Variants in CLDN14 observed in about 807,000 individuals in gnomAD.
The protein encoded by CLDN14 is claudin-14.
A neutral mutation model predicts 2.1 loss-of-function variants in CLDN14; 2 were observed. That is an observed-to-expected ratio of 0.96 (90% CI 0.39 to 3.01). The LOEUF (loss-of-function observed/expected upper bound fraction) is 3.01, where lower values mean the gene tolerates loss of function less well. CLDN14 is among the 30% of genes most tolerant of loss of function. The pLI is 0.09. For synonymous variants in CLDN14, 136 were observed against 154.4 expected (o/e 0.88, Z 0.88); for missense variants, 298 against 328.0 (o/e 0.91, Z 0.71).
upstream of CLDN14, among the ~76,000 whole-genome samples, chr21:36,482,403 T>TAGAC (rs1212772144): frequency 2.1e-4 from 29 of 137,116 alleles, no homozygotes; most frequent in African/African-American, 8.0e-4. Context: ...GATGGATGGA[T>TAGAC]GGATAGACGG....
chr21:36,499,900 G>A lies in CLDN14; in HGVS notation c.-82+10463C>T, dbSNP rs568719318. On this transcript the variant is annotated intron_variant, in intron 2 of 2. Transcript: ENST00000342108. This position sits in a 1 kb window ranked among gnomAD's most constrained non-coding sequence, Gnocchi z 4.7. ...GGGGGCTGGTGGAGAAAATCGGGGGGTCTCCGGAGCAACCCCGGGAGCAGT... is the reference window on the plus strand; with the variant it reads ...GGGGGCTGGTGGAGAAAATCGGGGGATCTCCGGAGCAACCCCGGGAGCAGT... 1.6e-4 allele frequency among the ~76,000 whole-genome samples: 25 copies of A among 152,224 alleles called. No individual in the cohort carries two copies. Among genetic ancestry groups the A allele is most frequent in the Admixed American group, 7.8e-4 (12 of 15,290 alleles).
Position 36,460,869 on chromosome 21 carries a change from C to G in CLDN14, c.*107G>C. The G allele has an allele frequency of 7.4e-7, 1 of 1,343,878 alleles. No homozygotes were observed. Among genetic ancestry groups the G allele is most frequent in the Non-Finnish European group, 1.0e-6 (1 of 967,820 alleles). 83.2% of individuals were successfully genotyped at this position (1,343,878 alleles called of 1,614,324 possible). A position where few individuals can be genotyped will look rare whatever the true frequency, so the allele number is the denominator to read the frequency against. The stretch of plus-strand genomic sequence containing the variant: ...CGCATTCACATTATTTCCTTGGATA[C>G]AAAAATTGCCCAGAAGTAAACTTTG... On this transcript the variant is annotated 3_prime_UTR_variant, in exon 2 of 2. Transcript: ENST00000399135. The surrounding 1 kb of genome is among the most constrained non-coding windows in gnomAD (Gnocchi z 4.0).
At chr21:36,523,759 A>G (rs367748694) in intron 1 of CLDN14, among the ~76,000 whole-genome samples, 3 of 78,128 alleles carry the variant, frequency 3.8e-5, no homozygotes, top group Admixed American at 1.2e-4. Flanking sequence ...AAAAAAAAAA[A>G]AAAGAAAGAA....
At chr21:36,514,619 GAA>G (rs778500695) in intron 1 of CLDN14, among the ~76,000 whole-genome samples, 5,027 of 18,236 alleles carry the variant, frequency 0.28, 138 homozygotes, top group Non-Finnish European at 0.4. Context: ...TATCGTGAGA[GAA>G]AGTGTGTGTG....
intron 2 of CLDN14, among the ~76,000 whole-genome samples, chr21:36,502,479 C>G (rs932329583): frequency 6.6e-6 from 1 of 152,200 alleles, no homozygotes; most frequent in African/African-American, 2.4e-5. Context: ...TTCCGAGGAA[C>G]TGATATCTTA....
At chr21:36,520,915 A>G (rs1388318392) in intron 1 of CLDN14, among the ~76,000 whole-genome samples, 2 of 152,022 alleles carry the variant, frequency 1.3e-5, no homozygotes, top group African/African-American at 2.4e-5. Flanking sequence ...GACTGGGCTC[A>G]CTGATCTGCA....
chr21:36,559,232 G>A (rs894814439), intron 1 of CLDN14, among the ~76,000 whole-genome samples: 8 of 151,064 alleles, frequency 5.3e-5, no homozygotes, highest in South Asian at 2.1e-4. Flanking sequence ...ACTAAGTTTC[G>A]CTCTTGTCGC....
At chr21:36,534,824 G>A (rs1346003265) in intron 1 of CLDN14, among the ~76,000 whole-genome samples, 2 of 152,010 alleles carry the variant, frequency 1.3e-5, no homozygotes, top group Non-Finnish European at 2.9e-5. Context: ...CTGTGTCCCC[G>A]CCCCTTATAT....
At chr21:36,479,127 GTGGCGCTGAGCTCCCCGAGCTGAGC>G (rs1460319877) in intron 1 of CLDN14, among the ~76,000 whole-genome samples, 1 of 152,168 alleles carries the variant, frequency 6.6e-6, no homozygotes, top group Non-Finnish European at 1.5e-5. Context: ...GAAGGGGGCA[GTGGCGCTGAGCTCCCCGAGCTGAGC>G]TGTGGCCTCA....
chr21:36,486,417 T>C (rs746991757), intron 2 of CLDN14: 2 of 1,269,472 alleles, frequency 1.6e-6, no homozygotes, highest in South Asian at 2.4e-5. Flanking sequence ...ATCCTGCCGC[T>C]GCTGCTGCTC....
At chr21:36,462,914 T>A (rs1397505872) in intron 1 of CLDN14, among the ~76,000 whole-genome samples, 22 of 144,556 alleles carry the variant, frequency 1.5e-4, no homozygotes, top group African/African-American at 4.5e-4. Context: ...TAAGACTCCG[T>A]CTCAAAAAAA....
In CLDN14 at chr21:36,486,587, GCCA is replaced by G. The variant is rs1162575022; in HGVS notation, c.-82+23773_-82+23775del. ...AGCCAAGCTGGGCCCAGGAGGCACT[GCCA>G]CCAGATGAGAACCGCTTCCATCTTT... is the stretch of plus-strand genomic sequence containing the variant. On this transcript the variant is annotated intron_variant, in intron 2 of 2. Coordinates refer to the CLDN14 transcript ENST00000342108. The G allele has an allele frequency of 1.9e-6, 3 of 1,552,152 alleles. No individual in the cohort carries two copies. The African/African-American group carries it at 4.1e-5, about 21-fold the overall frequency.
rs2086826161 is a variant in CLDN14, at chr21:36,479,901, G to A, written c.-488C>T. On this transcript the variant is annotated 5_prime_UTR_variant, in exon 1 of 2. Coordinates refer to ENST00000399135, the MANE Select transcript of CLDN14 (RefSeq NM_001146079.2). Reference sequence around the variant, plus strand: ...CCCTTCCCAGCCTGGCAGGGTTGCAGGGCGTCCATAGTCCAGCCTACGCCT... The same window carrying A: ...CCCTTCCCAGCCTGGCAGGGTTGCAAGGCGTCCATAGTCCAGCCTACGCCT... The A allele has an allele frequency of 6.6e-6, 1 of 152,338 alleles. No individual in the cohort carries two copies. Among genetic ancestry groups the A allele is most frequent in the African/African-American group, 2.4e-5 (1 of 41,450 alleles). The allele number at this position is 152,338 out of a possible 1,614,324, so 9.4% of individuals were successfully genotyped here.
chr21:36,475,733 T>G (rs1160433527), intron 1 of CLDN14, among the ~76,000 whole-genome samples: 1 of 151,910 alleles, frequency 6.6e-6, no homozygotes, highest in African/African-American at 2.4e-5. Flanking sequence ...CTTCATTGAT[T>G]TAACTTTTTT....
At chr21:36,531,764 TAATA>T (rs1209975655) in intron 1 of CLDN14, among the ~76,000 whole-genome samples, 1 of 151,542 alleles carries the variant, frequency 6.6e-6, no homozygotes, top group Non-Finnish European at 1.5e-5. Context: ...TTTTAAAATC[TAATA>T]AATCACCTAT....
intron 2 of CLDN14, among the ~76,000 whole-genome samples, chr21:36,494,083 G>A (rs772187758): frequency 1.9e-4 from 29 of 152,156 alleles, no homozygotes; most frequent in East Asian, 5.8e-4. Flanking sequence ...AACTGGATTC[G>A]CAAAGAGCCC....
chr21:36,536,194 C>T (rs775183334), intron 1 of CLDN14, among the ~76,000 whole-genome samples: 14 of 152,362 alleles, frequency 9.2e-5, no homozygotes, highest in Admixed American at 2.6e-4. Context: ...CAGCCTTGCA[C>T]CTGCTCTGTT....
intron 1 of CLDN14, among the ~76,000 whole-genome samples, chr21:36,467,849 T>G (rs2146425768): frequency 6.6e-6 from 1 of 152,262 alleles, no homozygotes; most frequent in Admixed American, 6.5e-5. Context: ...GAAAGAAATG[T>G]CAGCCCCAGA....
chr21:36,537,708 G>A (rs2087438089), intron 1 of CLDN14, among the ~76,000 whole-genome samples: 1 of 144,670 alleles, frequency 6.9e-6, no homozygotes, highest in Non-Finnish European at 1.5e-5. Flanking sequence ...GGAGTGCAAT[G>A]GTGTGATCTT....
Sources: gnomAD v4.1 joint callset for allele counts (sites outside exome capture counted in the v4.1 genomes callset) on GRCh38, gnomAD v4.1.1 for gene constraint, Gnocchi (gnomAD v3.1) non-coding constraint, MANE v1.5 for transcripts, NCBI Gene and HGNC (gene_info 2026-07-23, HGNC 2026-07-21) for gene names.